FXYD5: variants seen among roughly 807,000 people sequenced by gnomAD.
FXYD5 encodes the protein FXYD domain-containing ion transport regulator 5.
FXYD5 carries 21 observed loss-of-function variants against 25.7 expected under a neutral mutation model. The ratio of observed to expected loss-of-function variants is 0.82; its 90% CI spans 0.58 to 1.18. The LOEUF is 1.18. Ranked by LOEUF, FXYD5 falls within the 50% of genes most tolerant of loss-of-function variation. FXYD5 has a pLI of 0.00. For missense variants in FXYD5, 229 were observed against 227.7 expected (o/e 1.01, Z -0.04); for synonymous variants, 101 against 90.7 (o/e 1.11, Z -0.64).
intron 2 of FXYD5, 37 bp from the exon 3 acceptor site, chr19:35,157,384 C>A (rs368476412): frequency 1.1e-5 from 13 of 1,153,970 alleles, no homozygotes; most frequent in African/African-American, 1.5e-5. Flanking sequence ...GGAGGGGGAC[C>A]AGGCTCCCTC....
At position 35,169,725 on chromosome 19, in the gene FXYD5, G is replaced by A; in HGVS notation, c.*110G>A. 2 of 739,496 alleles carry A rather than the reference G, an allele frequency of 2.7e-6. No homozygotes were observed. Among genetic ancestry groups the A allele is most frequent in the Non-Finnish European group, 4.8e-6 (2 of 415,280 alleles). 45.8% of individuals were successfully genotyped at this position (739,496 alleles called of 1,614,324 possible). A position where few individuals can be genotyped will look rare whatever the true frequency, so the allele number is the denominator to read the frequency against. On this transcript the variant is annotated 3_prime_UTR_variant, in exon 9 of 9. Coordinates refer to ENST00000392219, the MANE Select transcript of FXYD5 (RefSeq NM_014164.6). ...CCCCTCGAAGAGCCTGGCCAGAGAG[G>A]GAAGACACAGATGATGAAGCTGGAG...
At chr19:35,158,268 A>G in intron 3 of FXYD5, 76 bp from the exon 4 acceptor site, 1 of 895,474 alleles carries the variant, frequency 1.1e-6, no homozygotes, top group Non-Finnish European at 1.9e-6. Flanking sequence ...AATCTCTGGC[A>G]TCTCCACCCA....
intron 4 of FXYD5, 51 bp from the exon 5 acceptor site, chr19:35,160,658 C>T: frequency 7.8e-7 from 1 of 1,282,402 alleles, no homozygotes. Flanking sequence ...AATTCTCTTT[C>T]CCCAGTGACT....
At chr19:35,155,289 T>C in intron 1 of FXYD5, 1 of 555,582 alleles carries the variant, frequency 1.8e-6, no homozygotes, top group Non-Finnish European at 3.2e-6. Flanking sequence ...CCGCCGGCCC[T>C]TGCAGCTGCT....
chr19:35,157,773 A>G (rs2065370824), intron 3 of FXYD5, among the ~76,000 whole-genome samples: 1 of 152,156 alleles, frequency 6.6e-6, no homozygotes, highest in Non-Finnish European at 1.5e-5. Context: ...TGGGGCTGTC[A>G]TCCTGTCTGC....
chr19:35,160,498 G>A (rs913810396), intron 4 of FXYD5, among the ~76,000 whole-genome samples: 1 of 151,992 alleles, frequency 6.6e-6, no homozygotes, highest in Non-Finnish European at 1.5e-5. Flanking sequence ...AGGCATGAGC[G>A]ACCACGCCCA....
intron 6 of FXYD5, 130 bp downstream of exon 6, chr19:35,164,375 C>T: frequency 2.3e-6 from 2 of 873,628 alleles, no homozygotes; most frequent in Admixed American, 3.0e-5. Flanking sequence ...TGACTTCAAG[C>T]CAGGCAGAGG....
intron 6 of FXYD5, among the ~76,000 whole-genome samples, chr19:35,164,692 C>G (rs78794409): frequency 6.6e-6 from 1 of 152,090 alleles, no homozygotes; most frequent in East Asian, 1.9e-4. Context: ...GGAAATGATA[C>G]GCCCATGGGT....
chr19:35,164,538 T>C (rs1193915772), intron 6 of FXYD5, among the ~76,000 whole-genome samples: 3 of 152,186 alleles, frequency 2.0e-5, no homozygotes, highest in African/African-American at 7.2e-5. Flanking sequence ...AGCTGGCTGG[T>C]TCTTCTGGTT....
At chr19:35,169,514 T>C (rs374703536) in intron 8 of FXYD5, 52 bp from the exon 9 acceptor site, 1 of 1,366,524 alleles carries the variant, frequency 7.3e-7, no homozygotes, top group Non-Finnish European at 1.0e-6. Flanking sequence ...CAACACACGA[T>C]AAGAATCAAT....
chr19:35,161,040 C>T (rs1382997843), intron 5 of FXYD5, among the ~76,000 whole-genome samples: 1 of 152,128 alleles, frequency 6.6e-6, no homozygotes, highest in South Asian at 2.1e-4. Flanking sequence ...CAAAGGATCC[C>T]CAAGGGGCAG....
chr19:35,163,379 G>T (rs556767286), intron 5 of FXYD5, among the ~76,000 whole-genome samples: 1 of 151,620 alleles, frequency 6.6e-6, no homozygotes, highest in East Asian at 1.9e-4. Context: ...CAGTGCTTGG[G>T]GGAGGCCTTT....
chr19:35,163,505 A>G (rs1282430719), intron 5 of FXYD5, among the ~76,000 whole-genome samples: 1 of 151,604 alleles, frequency 6.6e-6, no homozygotes, highest in Non-Finnish European at 1.5e-5. Flanking sequence ...TTTTTGAGAC[A>G]GAGTGTTGCT....
chr19:35,157,487 C>T lies in FXYD5; in HGVS notation c.128C>T (p.Pro43Leu), dbSNP rs763008970. 25 of 1,545,190 alleles carry T rather than the reference C, an allele frequency of 1.6e-5. No homozygotes were observed. Among genetic ancestry groups the T allele is most frequent in the Admixed American group, 8.3e-5 (5 of 59,912 alleles). Reference protein sequence around the residue: ...ADSTIMDIQVPTRAPDAVYTE... With the variant: ...ADSTIMDIQVLTRAPDAVYTE... ...TCAACTATCATGGACATTCAGGTCC[C>T]GACACGAGCCCCAGGTGAGGAAAGG... Residue 43 changes from proline (P) to leucine (L), a missense_variant, in exon 3 of 9, where the codon CCG (proline) becomes CTG (leucine). Transcript: ENST00000392219.
intron 5 of FXYD5, among the ~76,000 whole-genome samples, chr19:35,163,405 A>T (rs1197934011): frequency 7.1e-6 from 1 of 140,352 alleles, no homozygotes. Context: ...GGAGGTACTG[A>T]TTTTTTTTTT....
chr19:35,161,241 C>CACACACACACACAG (rs2065402538), intron 5 of FXYD5, among the ~76,000 whole-genome samples: 2 of 142,348 alleles, frequency 1.4e-5, no homozygotes. Flanking sequence ...CACACACACA[C>CACACACACACACAG]ACACACAAAA....
At chr19:35,158,595 T>A (rs1208070684) in intron 4 of FXYD5, among the ~76,000 whole-genome samples, 195 bp downstream of exon 4, 1 of 152,148 alleles carries the variant, frequency 6.6e-6, no homozygotes, top group Admixed American at 6.5e-5. Context: ...CTTTTGAAAT[T>A]GTGAAATTAA....
At chr19:35,166,613 G>T in intron 8 of FXYD5, 1 of 445,240 alleles carries the variant, frequency 2.2e-6, no homozygotes, top group Non-Finnish European at 3.9e-6. Context: ...AGGAAACTTT[G>T]TTTCTGGGGT....
chr19:35,159,637 C>T (rs929935011), intron 4 of FXYD5: 24 of 1,549,530 alleles, frequency 1.5e-5, no homozygotes, highest in East Asian at 4.9e-5. Flanking sequence ...CTTGAGCAAA[C>T]GCACTTGGAA....
Sources: allele counts gnomAD v4.1 joint callset (sites outside exome capture counted in the v4.1 genomes callset), GRCh38; gene constraint gnomAD v4.1.1; transcripts MANE v1.5; gene names NCBI Gene and HGNC (gene_info 2026-07-23, HGNC 2026-07-21).